CCDC181: variants seen among roughly 807,000 people sequenced by gnomAD.
The protein encoded by CCDC181 is coiled-coil domain containing 181.
CCDC181 carries 35 observed loss-of-function variants against 58.7 expected under a neutral mutation model. The observed-to-expected ratio is 0.60, with a 90% confidence interval of 0.46 to 0.79. CCDC181 has a LOEUF of 0.79. Ranked by LOEUF, CCDC181 falls within the 30% of genes least tolerant of loss-of-function variation. CCDC181 has a pLI of 0.00. For missense variants in CCDC181, 517 were observed against 583.9 expected, an observed-to-expected ratio of 0.89 and a Z score of 1.18; for synonymous variants, 183 against 197.5, an observed-to-expected ratio of 0.93 and a Z score of 0.62.
At chr1:169,409,376 A>T (rs948173432) in intron 4 of CCDC181, among the ~76,000 whole-genome samples, 20 of 152,236 alleles carry the variant, frequency 1.3e-4, no homozygotes, top group Non-Finnish European at 2.5e-4. Flanking sequence ...GCCTCCAAGA[A>T]ATATGGAACT....
intron 2 of CCDC181, among the ~76,000 whole-genome samples, chr1:169,457,129 T>C (rs1396291882): frequency 6.6e-6 from 1 of 152,192 alleles, no homozygotes; most frequent in Admixed American, 6.5e-5. Context: ...ACTGATTCTT[T>C]TTTTATATAT....
chr1:169,408,425 C>T lies in CCDC181; in HGVS notation c.1215+10588G>A, dbSNP rs143043653. Among the ~76,000 whole-genome samples, 9,068 of 152,240 alleles carry T rather than the reference C, an allele frequency of 0.06. 1,414 individuals are homozygous for T. The East Asian group carries it at 0.67, about 11-fold the overall frequency. On this transcript the variant is annotated intron_variant, in intron 4 of 5. Transcript: ENST00000367806. ...GGGCTTATAGATAAAACTCCCATCA[C>T]CCTGGGACAGAGCACCTGGGGGAAG... is the stretch of plus-strand genomic sequence containing the variant.
intron 1 of CCDC181, chr1:169,459,905 G>GAAAAAAAAAAAAAAAAAAAA (rs754232999): frequency 2.7e-5 from 2 of 75,184 alleles, no homozygotes; most frequent in Non-Finnish European, 5.2e-5. Flanking sequence ...TTGAAATTAG[G>GAAAAAAAAAAAAAAAAAAAA]AAAAAAAAAA....
At chr1:169,411,722 A>T (rs1344147289) in intron 4 of CCDC181, among the ~76,000 whole-genome samples, 2 of 152,234 alleles carry the variant, frequency 1.3e-5, no homozygotes, top group Non-Finnish European at 2.9e-5. Flanking sequence ...GGCTGGTTCA[A>T]CATATGCAAA....
chr1:169,421,467 G>A lies in CCDC181; in HGVS notation c.964C>T (p.Gln322Ter), dbSNP rs557650622. 15 of 1,614,074 alleles carry A rather than the reference G, an allele frequency of 9.3e-6. No individual in the cohort carries two copies. The South Asian group carries it at 1.5e-4, about 17-fold the overall frequency. Residue 322 changes from glutamine to a stop codon, truncating the protein, a stop_gained, in exon 3 of 6, where the codon CAG (glutamine) becomes TAG (stop). Coordinates refer to ENST00000367806, the MANE Select transcript of CCDC181 (RefSeq NM_001300969.2). LOFTEE classifies it high-confidence loss of function. ...KGNGKSNHRT[Q>*]SAHISPVTST... is the part of the protein sequence containing the mutation. Reference sequence around the variant, plus strand: ...GTCACTGGTGAGATATGTGCAGACTGTGTCCTGTGATTAGATTTCCCATTC... The same window carrying A: ...GTCACTGGTGAGATATGTGCAGACTATGTCCTGTGATTAGATTTCCCATTC...
intron 4 of CCDC181, among the ~76,000 whole-genome samples, chr1:169,402,535 A>G (rs1321484120): frequency 1.3e-5 from 2 of 152,132 alleles, no homozygotes; most frequent in Non-Finnish European, 2.9e-5. Context: ...TTCAACCCAG[A>G]ATTTCATATC....
chr1:169,448,368 C>A lies in CCDC181; in HGVS notation c.-24+11429G>T, dbSNP rs148503081. On this transcript the variant is annotated intron_variant, in intron 2 of 6. Coordinates refer to the CCDC181 transcript ENST00000545005. ...TTTTAATATTTCTTACAGGGTAGAT[C>A]TGCTTGCAATGAATTCCTTCAGTTT... 1.4e-3 allele frequency among the ~76,000 whole-genome samples: 210 copies of A among 152,180 alleles called. 2 individuals carry two copies. Among genetic ancestry groups the A allele is most frequent in the African/African-American group, 4.8e-3 (199 of 41,536 alleles).
intron 2 of CCDC181, among the ~76,000 whole-genome samples, chr1:169,436,844 T>C (rs2101743959): frequency 6.6e-6 from 1 of 152,236 alleles, no homozygotes; most frequent in South Asian, 2.1e-4. Flanking sequence ...ATGAAAGAGC[T>C]CACAGACTGA....
chr1:169,432,088 G>A (rs1353054366), upstream of CCDC181, among the ~76,000 whole-genome samples: 1 of 151,920 alleles, frequency 6.6e-6, no homozygotes, highest in Non-Finnish European at 1.5e-5. Flanking sequence ...AAATAACTAA[G>A]GAAAGATGTG....
chr1:169,445,926 TG>T (rs1362604305), intron 2 of CCDC181, among the ~76,000 whole-genome samples: 1 of 152,174 alleles, frequency 6.6e-6, no homozygotes, highest in African/African-American at 2.4e-5. Flanking sequence ...AAAACATTCA[TG>T]GGATCAATAG....
intron 2 of CCDC181, among the ~76,000 whole-genome samples, chr1:169,447,587 A>C (rs1196670453): frequency 1.3e-5 from 2 of 152,126 alleles, no homozygotes; most frequent in Non-Finnish European, 2.9e-5. Flanking sequence ...ATCCTTACTG[A>C]CTTTCTGCCT....
chr1:169,400,715 G>A (rs1444086479), intron 4 of CCDC181, among the ~76,000 whole-genome samples: 2 of 152,332 alleles, frequency 1.3e-5, no homozygotes, highest in East Asian at 3.9e-4. Context: ...TGGCCAAATA[G>A]GAACAGCTCC....
intron 1 of CCDC181, chr1:169,459,905 G>GAAAAAAAAAAAAAA (rs754232999): frequency 2.7e-5 from 2 of 75,180 alleles, no homozygotes; most frequent in Non-Finnish European, 2.6e-5. Flanking sequence ...TTGAAATTAG[G>GAAAAAAAAAAAAAA]AAAAAAAAAA....
At chr1:169,418,017 C>A (rs1656289588) in intron 4 of CCDC181, among the ~76,000 whole-genome samples, 1 of 152,124 alleles carries the variant, frequency 6.6e-6, no homozygotes, top group South Asian at 2.1e-4. Context: ...CTCTCACACA[C>A]CGTTGGAGGA....
chr1:169,447,499 A>G (rs777159171), intron 2 of CCDC181, among the ~76,000 whole-genome samples: 2 of 152,188 alleles, frequency 1.3e-5, no homozygotes, highest in Non-Finnish European at 2.9e-5. Flanking sequence ...GTATTCTGCC[A>G]TTGTGGAAGT....
rs780388599 is a variant in CCDC181 at position 169,419,067 on chromosome 1, G to C, written c.1161C>G (p.Val387=). The C allele has an allele frequency of 1.2e-6, 2 of 1,613,514 alleles. No individual in the cohort carries two copies. Among genetic ancestry groups the C allele is most frequent in the Non-Finnish European group, 1.7e-6 (2 of 1,179,870 alleles). Residue 387 remains valine (V), a synonymous_variant, in exon 4 of 6, where the codon GTC becomes GTG. Transcript: ENST00000367806. ...KAWLQKKREQ[V]LEMRRIQRAK... ...CTCGCTGAATTCTCCTCATTTCTAA[G>C]ACCTGCTCTCTTTTCTTTTGCAACC...
chr1:169,409,125 G>A (rs1317114408), intron 4 of CCDC181, among the ~76,000 whole-genome samples: 1 of 152,174 alleles, frequency 6.6e-6, no homozygotes, highest in South Asian at 2.1e-4. Flanking sequence ...ACAATGCAAG[G>A]AAGCTAAGAA....
chr1:169,395,239 T>A (rs770133204), intron 5 of CCDC181, 33 bp from the exon 6 acceptor site: 1 of 1,579,196 alleles, frequency 6.3e-7, no homozygotes, highest in Non-Finnish European at 8.6e-7. Context: ...ATTTGGTGAG[T>A]ATCAACCTGA....
upstream of CCDC181, among the ~76,000 whole-genome samples, chr1:169,429,292 ACTT>A (rs1656839166): frequency 1.3e-5 from 2 of 152,216 alleles, no homozygotes; most frequent in Admixed American, 6.5e-5. Context: ...TCACATAATG[ACTT>A]CTTTTCCTCT....
Sources: gnomAD v4.1 joint callset for allele counts (sites outside exome capture counted in the v4.1 genomes callset) on GRCh38, gnomAD v4.1.1 for gene constraint, MANE v1.5 for transcripts, NCBI Gene and HGNC (gene_info 2026-07-23, HGNC 2026-07-21) for gene names.